The following LARGE1 variants were observed in gnomAD, a reference collection of about 807,000 sequenced individuals.
LARGE1 encodes xylosyl- and glucuronyltransferase LARGE1.
A neutral mutation model predicts 87.6 loss-of-function variants in LARGE1; 43 were observed. That is an observed-to-expected ratio of 0.49 (90% CI 0.38 to 0.63). The LOEUF (loss-of-function observed/expected upper bound fraction) is 0.63, where lower values mean the gene tolerates loss of function less well. Ranked by LOEUF, LARGE1 falls within the 30% of genes least tolerant of loss-of-function variation. LARGE1 has a pLI of 0.00. For missense variants in LARGE1, 802 were observed against 1,000.2 expected, an observed-to-expected ratio of 0.80 and a Z score of 2.67; for synonymous variants, 434 against 394.6, an observed-to-expected ratio of 1.10 and a Z score of -1.18.
intron 1 of LARGE1, among the ~76,000 whole-genome samples, chr22:33,840,027 C>T (rs2146403862): frequency 6.6e-6 from 1 of 152,312 alleles, no homozygotes; most frequent in East Asian, 1.9e-4. Context: ...TGGGCCAGAT[C>T]ATTAGAGAAA....
At chr22:33,276,934 C>G (rs376560075) in intron 14 of LARGE1, 126 bp downstream of exon 14, 2 of 913,810 alleles carry the variant, frequency 2.2e-6, no homozygotes. Context: ...AGTACTACCA[C>G]TGGTCCTCAA....
chr22:33,370,212 T>C (rs990205299), intron 9 of LARGE1, among the ~76,000 whole-genome samples: 9 of 152,124 alleles, frequency 5.9e-5, no homozygotes, highest in Non-Finnish European at 2.9e-5. Context: ...AACTGTTGTG[T>C]CTGCCACACA....
At chr22:33,655,923 T>G (rs529503260) in intron 2 of LARGE1, among the ~76,000 whole-genome samples, 20 of 152,206 alleles carry the variant, frequency 1.3e-4, no homozygotes, top group African/African-American at 4.8e-4. Context: ...AGTAAGAGCA[T>G]GGGATTTGGA....
chr22:33,572,928 C>T (rs1454842981), intron 5 of LARGE1, among the ~76,000 whole-genome samples: 1 of 152,066 alleles, frequency 6.6e-6, no homozygotes, highest in Admixed American at 6.6e-5. Context: ...AGTCTGGAGA[C>T]TGACTGACTG....
In LARGE1 at chr22:33,516,822, G is replaced by A. The variant is rs139754307; in HGVS notation, c.787+48026C>T. On this transcript the variant is annotated intron_variant, in intron 6 of 14. Coordinates refer to ENST00000397394, the MANE Select transcript of LARGE1 (RefSeq NM_133642.5). ...GATGGTCTCGATCTCTTGACCTTGT[G>A]ATGCGCCCACCTCGGCCTCCCAAAG... 5.9e-3 allele frequency among the ~76,000 whole-genome samples: 899 copies of A among 152,226 alleles called. 5 individuals carry two copies. The highest frequency in any genetic ancestry group is 0.02 in the African/African-American group (836 of 41,542).
intron 1 of LARGE1, among the ~76,000 whole-genome samples, chr22:33,767,219 G>A (rs889320892): frequency 6.0e-5 from 9 of 150,996 alleles, no homozygotes; most frequent in Admixed American, 5.3e-4. Context: ...CTACTGGAGA[G>A]GCTGAGGCAG....
intron 9 of LARGE1, among the ~76,000 whole-genome samples, chr22:33,347,893 T>TCA (rs1423049652): frequency 6.6e-6 from 1 of 152,158 alleles, no homozygotes; most frequent in African/African-American, 2.4e-5. Flanking sequence ...ATGTGTTCAT[T>TCA]CAGTTATAAA....
intron 1 of LARGE1, among the ~76,000 whole-genome samples, chr22:33,801,487 C>T (rs1190169373): frequency 6.6e-6 from 1 of 152,056 alleles, no homozygotes; most frequent in Non-Finnish European, 1.5e-5. Flanking sequence ...GCGCTTATTT[C>T]CCATCTGTGT....
intron 9 of LARGE1, among the ~76,000 whole-genome samples, chr22:33,355,488 C>T (rs1940804437): frequency 6.6e-6 from 1 of 152,138 alleles, no homozygotes; most frequent in South Asian, 2.1e-4. Context: ...TTCAAATGTA[C>T]ACCTGGATAT....
chr22:33,351,493 GAAT>G (rs1359884581), intron 9 of LARGE1, among the ~76,000 whole-genome samples: 1 of 151,876 alleles, frequency 6.6e-6, no homozygotes, highest in Non-Finnish European at 1.5e-5. Context: ...CTCACAAAAT[GAAT>G]AATGCCTTAA....
chr22:33,324,401 TTTCATTAAC>T (rs1289719439), intron 10 of LARGE1, among the ~76,000 whole-genome samples: 1 of 150,356 alleles, frequency 6.7e-6, no homozygotes, highest in Non-Finnish European at 1.5e-5. Flanking sequence ...GGAGGGAGTA[TTTCATTAAC>T]AGGGTCTGAA....
intron 11 of LARGE1, among the ~76,000 whole-genome samples, chr22:33,256,727 C>T (rs906893353): frequency 2.0e-5 from 3 of 152,158 alleles, no homozygotes; most frequent in Non-Finnish European, 2.9e-5. Flanking sequence ...TTCACCTTCA[C>T]CCTAGCCTCA....
intron 14 of LARGE1, 68 bp from the exon 15 acceptor site, chr22:33,274,692 C>T: frequency 2.2e-6 from 3 of 1,374,378 alleles, no homozygotes; most frequent in South Asian, 2.3e-5. Context: ...AAGGCCCAAG[C>T]GAATGATTGA....
At chr22:33,310,676 G>A (rs1321714029) in intron 11 of LARGE1, among the ~76,000 whole-genome samples, 4 of 152,164 alleles carry the variant, frequency 2.6e-5, no homozygotes, top group Admixed American at 6.6e-5. Context: ...GCACCAGTCC[G>A]CGTGCTGCAT....
At position 33,485,301 on chromosome 22, in the gene LARGE1, C is replaced by T. The variant is rs149365218; in HGVS notation, c.788-53036G>A. 4.4e-3 allele frequency among the ~76,000 whole-genome samples: 666 copies of T among 151,328 alleles called. 6 individuals carry two copies. Among genetic ancestry groups the T allele is most frequent in the African/African-American group, 0.015 (628 of 41,212 alleles). ...CGATCTGGGCTCACTGCAACCTCTG[C>T]CTCCCAGGTTCAAATAATTCTCCTG... is the stretch of plus-strand genomic sequence containing the variant. On this transcript the variant is annotated intron_variant, in intron 6 of 14. Transcript: ENST00000397394.
intron 1 of LARGE1, among the ~76,000 whole-genome samples, chr22:33,789,462 T>G (rs1030443318): frequency 6.6e-6 from 1 of 152,172 alleles, no homozygotes; most frequent in South Asian, 2.1e-4. Flanking sequence ...GAGTGCCCAC[T>G]GGGGCACTGC....
chr22:33,910,606 GCACCTCTGTGTTCCGCTGT>G (rs1340743836), intron 1 of LARGE1, among the ~76,000 whole-genome samples: 1 of 152,136 alleles, frequency 6.6e-6, no homozygotes, highest in African/African-American at 2.4e-5. Flanking sequence ...GAGTAACTCT[GCACCTCTGTGTTCCGCTGT>G]CAAGCCAGGA....
chr22:33,466,767 G>A (rs779471198), intron 6 of LARGE1, among the ~76,000 whole-genome samples: 11 of 151,496 alleles, frequency 7.3e-5, no homozygotes, highest in Admixed American at 2.6e-4. Flanking sequence ...CACCAGGCAT[G>A]GTGGCTCACG....
Position 33,530,348 on chromosome 22 carries a change from G to A in LARGE1, c.787+34500C>T, listed in dbSNP as rs561604799. The stretch of plus-strand genomic sequence containing the variant: ...ACAGCACAGTTACTTGCAGCCAAAA[G>A]CTCTCCTAACTGAGATTATATAAAT... On this transcript the variant is annotated intron_variant, in intron 6 of 14. Transcript: ENST00000397394. 2.6e-5 allele frequency among the ~76,000 whole-genome samples: 4 copies of A among 152,138 alleles called. No individual in the cohort carries two copies. The South Asian group carries it at 8.3e-4, about 32-fold the overall frequency.
Sources: allele counts gnomAD v4.1 joint callset (sites outside exome capture counted in the v4.1 genomes callset), GRCh38; gene constraint gnomAD v4.1.1; transcripts MANE v1.5; gene names NCBI Gene and HGNC (gene_info 2026-07-23, HGNC 2026-07-21).